The following VTI1B variants were observed in gnomAD, a reference collection of about 807,000 sequenced individuals.
VTI1B encodes vesicle transport through interaction with t-SNAREs homolog 1B.
Under a neutral mutation model 28.6 loss-of-function variants are expected in VTI1B, and 18 were observed. That is an observed-to-expected ratio of 0.63 (90% CI 0.43 to 0.93). VTI1B has a LOEUF of 0.93. Ranked by LOEUF, VTI1B falls within the 40% of genes least tolerant of loss-of-function variation. The probability of loss-of-function intolerance (pLI) is 0.00; values close to 1 mark genes in which losing one functional copy is unlikely to be tolerated. For synonymous variants in VTI1B, 100 were observed against 107.9 expected, an observed-to-expected ratio of 0.93 and a Z score of 0.46; for missense variants, 283 against 297.0, an observed-to-expected ratio of 0.95 and a Z score of 0.35.
At chr14:67,662,920 A>G in intron 1 of VTI1B, 1 of 1,273,292 alleles carries the variant, frequency 7.9e-7, no homozygotes, top group Non-Finnish European at 9.9e-7. Flanking sequence ...AAAAAAAAAA[A>G]AGAATGTTTA....
intron 1 of VTI1B, among the ~76,000 whole-genome samples, chr14:67,670,383 A>C (rs2037451589): frequency 1.3e-5 from 2 of 152,086 alleles, no homozygotes; most frequent in South Asian, 4.2e-4. Context: ...GGAGTATTCC[A>C]TGTTTTACTC....
chr14:67,663,108 C>T (rs981636304), intron 1 of VTI1B: 12 of 1,520,290 alleles, frequency 7.9e-6, no homozygotes, highest in Admixed American at 2.1e-5. Flanking sequence ...ACGATGAGAA[C>T]GTTATTCATT....
At chr14:67,673,186 T>C (rs923060307) in intron 1 of VTI1B, among the ~76,000 whole-genome samples, 26 of 152,078 alleles carry the variant, frequency 1.7e-4, no homozygotes, top group Non-Finnish European at 3.1e-4. Flanking sequence ...CTACTAAAAA[T>C]ACAAAAATAA....
At chr14:67,674,317 C>A in intron 1 of VTI1B, 58 bp downstream of exon 1, 1 of 1,447,044 alleles carries the variant, frequency 6.9e-7, no homozygotes, top group Non-Finnish European at 9.2e-7. Flanking sequence ...GTGGGAGAAT[C>A]TTCCTTCCAA....
intron 1 of VTI1B, 51 bp downstream of exon 1, chr14:67,674,324 C>T: frequency 6.8e-7 from 1 of 1,475,192 alleles, no homozygotes. Context: ...AATCTTCCTT[C>T]CAAAGCGCGC....
chr14:67,666,941 T>C (rs913061180), intron 1 of VTI1B, among the ~76,000 whole-genome samples: 2 of 152,182 alleles, frequency 1.3e-5, no homozygotes, highest in Non-Finnish European at 2.9e-5. Context: ...TTCCTCTTTT[T>C]AGGGAGTTAG....
intron 2 of VTI1B, 140 bp from the exon 3 acceptor site, chr14:67,660,062 C>A (rs1177660789): frequency 1.2e-6 from 1 of 853,202 alleles, no homozygotes; most frequent in Non-Finnish European, 1.8e-6. Flanking sequence ...GAGGCAGGGA[C>A]CATGTCTGGC....
At chr14:67,660,409 T>C (rs2037320880) in intron 2 of VTI1B, among the ~76,000 whole-genome samples, 1 of 152,080 alleles carries the variant, frequency 6.6e-6, no homozygotes. Context: ...CATCTCTATA[T>C]ATATATAAAA....
At chr14:67,672,603 C>T (rs2037481049) in intron 1 of VTI1B, among the ~76,000 whole-genome samples, 3 of 150,438 alleles carry the variant, frequency 2.0e-5, no homozygotes, top group South Asian at 4.2e-4. Context: ...ACACCATGCC[C>T]GGCTAATTTT....
At chr14:67,665,438 AT>A (rs986357378) in intron 1 of VTI1B, among the ~76,000 whole-genome samples, 13 of 147,754 alleles carry the variant, frequency 8.8e-5, no homozygotes, top group African/African-American at 1.7e-4. Flanking sequence ...CACACAGCTA[AT>A]TTTTTTTTTG....
At chr14:67,670,693 T>C (rs190476521) in intron 1 of VTI1B, among the ~76,000 whole-genome samples, 48 of 152,252 alleles carry the variant, frequency 3.2e-4, no homozygotes, top group Admixed American at 5.9e-4. Context: ...CACACCCAGC[T>C]AATTTTTGTA....
chr14:67,662,926 G>A, intron 1 of VTI1B: 1 of 883,684 alleles, frequency 1.1e-6, no homozygotes, highest in Non-Finnish European at 1.5e-6. Context: ...AAAAAAGAAT[G>A]TTTACCAATA....
chr14:67,654,267 C>A (rs2037225756), intron 4 of VTI1B, among the ~76,000 whole-genome samples: 1 of 152,094 alleles, frequency 6.6e-6, no homozygotes, highest in South Asian at 2.1e-4. Context: ...CCACACCCTG[C>A]TCCTTTTTTT....
intron 1 of VTI1B, among the ~76,000 whole-genome samples, chr14:67,666,602 T>C (rs137927363): frequency 6.6e-6 from 1 of 152,376 alleles, no homozygotes; most frequent in Admixed American, 6.5e-5. Context: ...GAGGGATCAA[T>C]AGCAGCTTTT....
chr14:67,666,665 T>G (rs560611895), intron 1 of VTI1B, among the ~76,000 whole-genome samples: 1 of 152,176 alleles, frequency 6.6e-6, no homozygotes, highest in African/African-American at 2.4e-5. Flanking sequence ...AGAGCTAGGA[T>G]GTACCTCAGC....
chr14:67,657,085 T>C (rs1246412635), intron 3 of VTI1B: 1 of 152,386 alleles, frequency 6.6e-6, no homozygotes, highest in Admixed American at 6.5e-5. Flanking sequence ...ATGAATAAGC[T>C]ATTCTGTTCT....
At chr14:67,662,091 G>A (rs1439066913) in intron 2 of VTI1B, among the ~76,000 whole-genome samples, 1 of 151,754 alleles carries the variant, frequency 6.6e-6, no homozygotes, top group African/African-American at 2.4e-5. Flanking sequence ...GGGAGGTGGA[G>A]CTTGCAGTGA....
rs894582532 is a variant in VTI1B, at chr14:67,662,272, A to G, written c.174+205T>C. ...ATCAGCAATATATTACCAAAGAGTC[A>G]CATTTCAGGAGCATCTTCAGGCTTC... On this transcript the variant is annotated intron_variant, in intron 2 of 5. Transcript: ENST00000554659. Among the ~76,000 whole-genome samples, 2 of 152,198 alleles carry G rather than the reference A, an allele frequency of 1.3e-5. 1 individual carries two copies. The highest frequency in any genetic ancestry group is 4.1e-4 in the South Asian group (2 of 4,830).
chr14:67,657,043 C>G (rs186272925), intron 3 of VTI1B: 2 of 152,932 alleles, frequency 1.3e-5, no homozygotes, highest in East Asian at 3.8e-4. Context: ...ACTGAAGATT[C>G]CCACTAGACT....
Sources: gnomAD v4.1 joint callset for allele counts (sites outside exome capture counted in the v4.1 genomes callset) on GRCh38, gnomAD v4.1.1 for gene constraint, MANE v1.5 for transcripts, NCBI Gene and HGNC (gene_info 2026-07-23, HGNC 2026-07-21) for gene names.